Variants in ACACA observed in about 807,000 individuals in gnomAD.
The protein encoded by ACACA is acetyl-CoA carboxylase 1.
In ACACA, 103 loss-of-function variants were observed where a neutral mutation model predicts 296.1. That is an observed-to-expected ratio of 0.35 (90% confidence interval 0.30 to 0.41). The LOEUF (loss-of-function observed/expected upper bound fraction) is 0.41, where lower values mean the gene tolerates loss of function less well. Ranked by LOEUF, ACACA falls within the 10% of genes least tolerant of loss-of-function variation. The pLI, the probability that ACACA is intolerant of heterozygous loss-of-function variation, is 1.00. For synonymous variants in ACACA, 953 were observed against 1,038.6 expected (o/e 0.92, Z 1.58); for missense variants, 1,554 against 2,989.7 (o/e 0.52, Z 11.20).
chr17:37,289,644 G>C (rs765530497), intron 3 of ACACA: 2 of 541,848 alleles, frequency 3.7e-6, no homozygotes, highest in Non-Finnish European at 3.5e-6. Flanking sequence ...TGTGCTCTCC[G>C]GCAGTAATAT....
intron 47 of ACACA, 106 bp downstream of exon 47, chr17:37,129,259 T>G (rs1448302535): frequency 6.7e-7 from 1 of 1,489,728 alleles, no homozygotes; most frequent in African/African-American, 1.4e-5. Flanking sequence ...GGTACTTACC[T>G]CTGTTTTCTT....
intron 33 of ACACA, among the ~76,000 whole-genome samples, chr17:37,202,416 C>A (rs2078288174): frequency 6.6e-6 from 1 of 152,008 alleles, no homozygotes; most frequent in Admixed American, 6.6e-5. Flanking sequence ...TCCATTTACA[C>A]TGACTGCTTC....
Position 37,358,656 on chromosome 17 carries a change from G to C in ACACA, c.39-18806C>G, listed in dbSNP as rs2049257541. Among the ~76,000 whole-genome samples the C allele has an allele frequency of 1.3e-5, 2 of 152,228 alleles. 1 individual carries two copies. The highest frequency in any genetic ancestry group is 4.1e-4 in the South Asian group (2 of 4,836). On this transcript the variant is annotated intron_variant, in intron 1 of 55. Transcript: ENST00000616317. The stretch of plus-strand genomic sequence containing the variant: ...TTGGAGAGGGGTCTGGAAGGAATCA[G>C]ACCACGCTGGAGCTGGGCAAGAGGG...
At chr17:37,319,606 T>C (rs1226437781) in intron 3 of ACACA, among the ~76,000 whole-genome samples, 2 of 152,044 alleles carry the variant, frequency 1.3e-5, no homozygotes, top group Non-Finnish European at 2.9e-5. Flanking sequence ...GAGGACCACT[T>C]GAGCCCAGGA....
chr17:37,161,379 G>A (rs2076453791), intron 42 of ACACA, among the ~76,000 whole-genome samples: 1 of 152,192 alleles, frequency 6.6e-6, no homozygotes, highest in Non-Finnish European at 1.5e-5. Flanking sequence ...CTTTAGAGGA[G>A]AGACAGATCT....
At chr17:37,397,040 C>T (rs1163451733) in intron 1 of ACACA, among the ~76,000 whole-genome samples, 1 of 151,824 alleles carries the variant, frequency 6.6e-6, no homozygotes, top group East Asian at 1.9e-4. Context: ...CTCCCCCATC[C>T]CCCCACCCCA....
At chr17:37,205,949 T>C in intron 32 of ACACA, 77 bp from the exon 33 acceptor site, 1 of 1,245,398 alleles carries the variant, frequency 8.0e-7, no homozygotes, top group South Asian at 1.2e-5. Context: ...TAATATTTGG[T>C]AGAATACCTG....
chr17:37,155,386 C>A (rs551451564), intron 43 of ACACA, among the ~76,000 whole-genome samples: 252 of 152,172 alleles, frequency 1.7e-3, no homozygotes, highest in African/African-American at 5.4e-3. Context: ...AAGTGTATAA[C>A]ATAAATTCAT....
intron 40 of ACACA, 94 bp downstream of exon 40, chr17:37,181,107 G>C: frequency 7.4e-7 from 1 of 1,348,326 alleles, no homozygotes; most frequent in South Asian, 1.2e-5. Context: ...TTGCCCTTTG[G>C]AGTGCCCCCT....
intron 30 of ACACA, among the ~76,000 whole-genome samples, chr17:37,209,715 C>G (rs2078664643): frequency 6.6e-6 from 1 of 152,216 alleles, no homozygotes; most frequent in Non-Finnish European, 1.5e-5. Context: ...AGCTGATTAT[C>G]TGCAAAGACC....
intron 45 of ACACA, among the ~76,000 whole-genome samples, chr17:37,141,763 C>A (rs900271921): frequency 1.3e-5 from 2 of 151,892 alleles, no homozygotes; most frequent in African/African-American, 2.4e-5. Flanking sequence ...GCAATCTTGG[C>A]TCGCTGCCAC....
chr17:37,390,334 A>ATCTATATATCTAT (rs2050822111), intron 1 of ACACA, among the ~76,000 whole-genome samples: 15 of 93,422 alleles, frequency 1.6e-4, no homozygotes, highest in Non-Finnish European at 2.1e-4. Context: ...ATATATATAT[A>ATCTATATATCTAT]AAAGGCCAGC....
rs140621531 is a variant in ACACA, at chr17:37,085,007, G to C, written c.*2309C>G. The C allele has an allele frequency of 6.5e-6, 1 of 152,826 alleles. No homozygotes were observed. The highest frequency in any genetic ancestry group is 1.5e-5 in the Non-Finnish European group (1 of 68,052). 9.5% of individuals were successfully genotyped at this position (152,826 alleles called of 1,614,324 possible). A position where few individuals can be genotyped will look rare whatever the true frequency, so the allele number is the denominator to read the frequency against. On this transcript the variant is annotated 3_prime_UTR_variant, in exon 56 of 56. Transcript: ENST00000616317. ...AAACTGTAACTCTTCTACAAATGTA[G>C]AGGTTTATTTCAACAAAATGTGTAA...
At position 37,406,483 on chromosome 17, in the gene ACACA, C is replaced by T. The variant is rs1370696785; in HGVS notation, c.-184G>A. 2.9e-6 allele frequency: 2 copies of T among 682,722 alleles called. No homozygotes were observed. Among genetic ancestry groups the T allele is most frequent in the Non-Finnish European group, 5.2e-6 (2 of 387,162 alleles). The allele number at this position is 682,722 out of a possible 1,614,324, so 42.3% of individuals were successfully genotyped here. On this transcript the variant is annotated 5_prime_UTR_variant, in exon 1 of 56. Coordinates refer to ENST00000616317, the MANE Select transcript of ACACA (RefSeq NM_198834.3). ...CCCGGACTGGAGAGGCGCCACGGCT[C>T]GCCGTCCCTGGGCCCAGTTCCCTCA...
chr17:37,285,569 T>G (rs1412826140), intron 3 of ACACA, among the ~76,000 whole-genome samples: 2 of 152,024 alleles, frequency 1.3e-5, no homozygotes, highest in Non-Finnish European at 2.9e-5. Flanking sequence ...ATCCCAGCAC[T>G]TTGGGAGGCT....
chr17:37,179,352 G>C lies in ACACA; in HGVS notation c.4987C>G (p.Pro1663Ala), dbSNP rs746373869. 6.2e-7 allele frequency: 1 copy of C among 1,614,158 alleles called. No homozygotes were observed. Among genetic ancestry groups the C allele is most frequent in the African/African-American group, 1.3e-5 (1 of 75,034 alleles). ...MSTQAFLPSPPLPSDMLTYTE... is the reference protein window; with the variant it reads ...MSTQAFLPSPALPSDMLTYTE... Reference sequence around the variant, plus strand: ...TAAGTCAGCATGTCAGAAGGCAGAGGGGGAGATGGAAGAAATGCTTGAGTG... The same window carrying C: ...TAAGTCAGCATGTCAGAAGGCAGAGCGGGAGATGGAAGAAATGCTTGAGTG... The change falls in exon 41 of 56, where the codon CCT becomes GCT. Residue 1663 changes from proline to alanine, a missense_variant. Pro to Ala is a conservative substitution (Grantham distance 27). This residue lies in a region of ACACA where 553 missense variants were observed against 1,043.6 expected (regional missense o/e 0.53). Transcript: ENST00000616317.
intron 1 of ACACA, chr17:37,389,311 A>G (rs1327599599): frequency 1.8e-5 from 28 of 1,598,446 alleles, no homozygotes; most frequent in Non-Finnish European, 2.4e-5. Flanking sequence ...AAAAGAAGGG[A>G]GGCCAGCCAC....
rs2082693936 is a variant in ACACA, at chr17:37,284,781, G to A, written c.471+57C>T. 1.1e-5 allele frequency: 18 copies of A among 1,608,186 alleles called. No individual in the cohort carries two copies. In the South Asian group the frequency reaches 1.5e-4, roughly 14 times the overall value. On this transcript the variant is annotated intron_variant, in intron 4 of 55. Coordinates refer to ENST00000616317, the MANE Select transcript of ACACA (RefSeq NM_198834.3). ...GGAGCAAATCTAGACAACAAATCTA[G>A]GCAAGCATTAAATCCTAAGTGCTTT...
At chr17:37,210,673 A>T (rs2078705885) in intron 29 of ACACA, among the ~76,000 whole-genome samples, 183 bp from the exon 30 acceptor site, 1 of 150,520 alleles carries the variant, frequency 6.6e-6, no homozygotes, top group Non-Finnish European at 1.5e-5. Context: ...GCATGCTCCT[A>T]ACCTACCTCA....
Sources: allele counts gnomAD v4.1 joint callset (sites outside exome capture counted in the v4.1 genomes callset), GRCh38; gene constraint gnomAD v4.1.1; regional missense constraint gnomAD v4.1.1; transcripts MANE v1.5; gene names NCBI Gene and HGNC (gene_info 2026-07-23, HGNC 2026-07-21).